Variants in UBE4B observed in about 807,000 individuals in gnomAD.
UBE4B encodes ubiquitination factor E4B.
A neutral mutation model predicts 148.1 loss-of-function variants in UBE4B; 27 were observed. That is an observed-to-expected ratio of 0.18 (90% CI 0.13 to 0.25). UBE4B has a LOEUF of 0.25. Ranked by LOEUF, UBE4B falls within the 10% of genes least tolerant of loss-of-function variation. The pLI, the probability that UBE4B is intolerant of heterozygous loss-of-function variation, is 1.00. For missense variants in UBE4B, 1,170 were observed against 1,662.4 expected (o/e 0.70, Z 5.15); for synonymous variants, 596 against 619.3 (o/e 0.96, Z 0.56).
At position 10,106,887 on chromosome 1, in the gene UBE4B, TCA is replaced by T. The variant is rs1487841790; in HGVS notation, c.1196+305_1196+306del. ...GTTGCCAGTGGTAGTTGAAATGCTA[TCA>T]GACCAAGCAGGTGTGGGAGCAAATC... On this transcript the variant is annotated intron_variant, in intron 7 of 27. Coordinates refer to ENST00000343090, the MANE Select transcript of UBE4B (RefSeq NM_001105562.3). The surrounding 1 kb of genome is among the most constrained non-coding windows in gnomAD (Gnocchi z 4.2). 1.3e-5 allele frequency among the ~76,000 whole-genome samples: 2 copies of T among 152,254 alleles called. No homozygotes were observed. Among genetic ancestry groups the T allele is most frequent in the East Asian group, 3.9e-4 (2 of 5,174 alleles).
chr1:10,068,537 G>C (rs946104277), intron 1 of UBE4B, among the ~76,000 whole-genome samples: 9 of 151,802 alleles, frequency 5.9e-5, no homozygotes, highest in African/African-American at 2.2e-4. Flanking sequence ...TTTTAGTAGA[G>C]ATGGGGTTTC....
chr1:10,177,560 G>A (rs1646446195), intron 25 of UBE4B, among the ~76,000 whole-genome samples: 1 of 152,120 alleles, frequency 6.6e-6, no homozygotes, highest in South Asian at 2.1e-4. Flanking sequence ...GGTGGCTAAG[G>A]TGAGAGGATT....
intron 25 of UBE4B, among the ~76,000 whole-genome samples, chr1:10,177,330 G>A (rs1357485763): frequency 6.6e-6 from 1 of 151,816 alleles, no homozygotes; most frequent in East Asian, 2.0e-4. Flanking sequence ...GACCAGCCTG[G>A]CCAACATGGC....
intron 15 of UBE4B, among the ~76,000 whole-genome samples, chr1:10,134,349 A>G (rs1436803317): frequency 6.6e-6 from 1 of 151,912 alleles, no homozygotes. Flanking sequence ...CATCTCTACT[A>G]AAAATACAAA....
chr1:10,049,882 G>T (rs1643998149), intron 1 of UBE4B, among the ~76,000 whole-genome samples: 1 of 140,712 alleles, frequency 7.1e-6, no homozygotes, highest in South Asian at 2.2e-4. Context: ...GAGAGCAAAA[G>T]ACCCTGTCTC....
intron 2 of UBE4B, among the ~76,000 whole-genome samples, chr1:10,089,532 G>T (rs1216149015): frequency 1.3e-5 from 2 of 151,416 alleles, no homozygotes; most frequent in African/African-American, 2.4e-5. Flanking sequence ...TCAGGGGTGA[G>T]ACTTGGTGTT....
At chr1:10,076,247 C>CTTTTTTTTT (rs369214323) in intron 2 of UBE4B, among the ~76,000 whole-genome samples, 1 of 131,650 alleles carries the variant, frequency 7.6e-6, no homozygotes, top group African/African-American at 2.8e-5. Context: ...TTCTTTCTTT[C>CTTTTTTTTT]TTTTTTTTTT....
chr1:10,118,926 A>G (rs1038089860), intron 8 of UBE4B, among the ~76,000 whole-genome samples: 2 of 108,076 alleles, frequency 1.9e-5, no homozygotes, highest in Non-Finnish European at 3.4e-5. Flanking sequence ...CTCTGTCACC[A>G]GGCTGGAGTG....
chr1:10,040,698 A>G (rs1570761743), intron 1 of UBE4B, among the ~76,000 whole-genome samples: 1 of 150,982 alleles, frequency 6.6e-6, no homozygotes, highest in Admixed American at 6.6e-5. Flanking sequence ...GCTCGCTGCA[A>G]CCTCTGCCTC....
intron 7 of UBE4B, among the ~76,000 whole-genome samples, chr1:10,111,309 A>G (rs1570911061): frequency 1.3e-5 from 2 of 151,740 alleles, no homozygotes; most frequent in African/African-American, 4.8e-5. Flanking sequence ...CTACTTGTCT[A>G]CTTCCCCTAA....
At chr1:10,076,741 C>CTTTTTT (rs61563451) in intron 2 of UBE4B, among the ~76,000 whole-genome samples, 8 of 105,854 alleles carry the variant, frequency 7.6e-5, no homozygotes, top group African/African-American at 1.2e-4. Context: ...CAGTCCCAGC[C>CTTTTTT]TTTTTTTTTT....
chr1:10,080,078 A>G (rs781748138), intron 2 of UBE4B, among the ~76,000 whole-genome samples: 1 of 152,122 alleles, frequency 6.6e-6, no homozygotes, highest in Non-Finnish European at 1.5e-5. Flanking sequence ...GCTCCCGGCT[A>G]TGCATTGTAG....
chr1:10,125,370 C>T (rs1009364404), intron 10 of UBE4B, among the ~76,000 whole-genome samples: 3 of 152,188 alleles, frequency 2.0e-5, no homozygotes, highest in Admixed American at 1.3e-4. Flanking sequence ...GTTACTTCTC[C>T]ATTTTTATCT....
At chr1:10,039,375 TG>T (rs1643671017) in intron 1 of UBE4B, among the ~76,000 whole-genome samples, 1 of 152,058 alleles carries the variant, frequency 6.6e-6, no homozygotes, top group African/African-American at 2.4e-5. Context: ...CTCGGGTGTG[TG>T]GCAGGTACCT....
At chr1:10,097,948 G>A (rs1434851305) in intron 3 of UBE4B, among the ~76,000 whole-genome samples, 2 of 151,638 alleles carry the variant, frequency 1.3e-5, no homozygotes, top group Non-Finnish European at 2.9e-5. Context: ...TCGGCTCACT[G>A]CAACCTCCGC....
chr1:10,134,557 T>C (rs371773490), intron 15 of UBE4B, among the ~76,000 whole-genome samples: 26 of 152,130 alleles, frequency 1.7e-4, no homozygotes, highest in Non-Finnish European at 3.1e-4. Context: ...ATGCCTCTTA[T>C]ATAAATAATA....
intron 1 of UBE4B, among the ~76,000 whole-genome samples, chr1:10,049,459 CTG>C (rs1447806727): frequency 1.3e-5 from 2 of 152,092 alleles, no homozygotes; most frequent in East Asian, 3.8e-4. Flanking sequence ...AATTAGAACA[CTG>C]TAGCCAGACG....
chr1:10,118,529 A>G (rs1271876929), intron 8 of UBE4B, among the ~76,000 whole-genome samples: 1 of 142,088 alleles, frequency 7.0e-6, no homozygotes, highest in East Asian at 2.1e-4. Flanking sequence ...TTTGAGACGG[A>G]GTTTCACTCT....
rs776782101 is a variant in UBE4B, at chr1:10,168,105, C to A, written c.3199-31C>A. 6.2e-6 allele frequency: 10 copies of A among 1,602,106 alleles called. No homozygotes were observed. In the South Asian group the frequency reaches 1.1e-4, roughly 18 times the overall value. On this transcript the variant is annotated intron_variant, in intron 23 of 27. Transcript: ENST00000343090. The surrounding 1 kb of genome is among the most constrained non-coding windows in gnomAD (Gnocchi z 4.9). ...TGCTGAGCTGATGACCAGGACCGAG[C>A]CTTACTCAGCGTCTGTTCGATGTGT...
Sources: allele counts gnomAD v4.1 joint callset (sites outside exome capture counted in the v4.1 genomes callset), GRCh38; gene constraint gnomAD v4.1.1; non-coding constraint Gnocchi (gnomAD v3.1); transcripts MANE v1.5; gene names NCBI Gene and HGNC (gene_info 2026-07-23, HGNC 2026-07-21).